The following CRK variants were observed in gnomAD, a reference collection of about 807,000 sequenced individuals.
CRK encodes CRK proto-oncogene, adaptor protein.
CRK carries 4 observed loss-of-function variants against 29.8 expected under a neutral mutation model. The observed-to-expected ratio is 0.13, with a 90% CI of 0.07 to 0.31. CRK has a LOEUF of 0.31. Ranked by LOEUF, CRK falls within the 10% of genes least tolerant of loss-of-function variation. The probability of loss-of-function intolerance (pLI) is 1.00; values close to 1 mark genes in which losing one functional copy is unlikely to be tolerated. For synonymous variants in CRK, 153 were observed against 164.9 expected (o/e 0.93, Z 0.55); for missense variants, 274 against 396.5 (o/e 0.69, Z 2.62).
At chr17:1,442,224 A>G (rs1182180326) in intron 1 of CRK, among the ~76,000 whole-genome samples, 5 of 150,176 alleles carry the variant, frequency 3.3e-5, no homozygotes, top group African/African-American at 4.9e-5. Context: ...GCATAATCTC[A>G]GCTCACTGCA....
chr17:1,453,208 T>C (rs1207703529), intron 1 of CRK, among the ~76,000 whole-genome samples: 1 of 152,214 alleles, frequency 6.6e-6, no homozygotes, highest in African/African-American at 2.4e-5. Flanking sequence ...TCCATAAACT[T>C]TGGCAATCTT....
intron 1 of CRK, among the ~76,000 whole-genome samples, chr17:1,454,660 CAT>C (rs1461704408): frequency 2.6e-5 from 4 of 152,204 alleles, no homozygotes; most frequent in East Asian, 3.8e-4. Context: ...CTTCCTGATT[CAT>C]ATGAGACTAG....
In CRK at chr17:1,421,515, C is replaced by A. The variant is rs1461591516; in HGVS notation, c.*1998G>T. The A allele has an allele frequency of 2.0e-5, 3 of 152,186 alleles. No homozygotes were observed. Among genetic ancestry groups the A allele is most frequent in the Non-Finnish European group, 1.5e-5 (1 of 68,042 alleles). The allele number at this position is 152,186 out of a possible 1,614,324, so 9.4% of individuals were successfully genotyped here. ...CCACTCTGTGCATAGCACTGGGCTA[C>A]CATTTTACAAGTTGAGTTTAACGTC... On this transcript the variant is annotated 3_prime_UTR_variant, in exon 3 of 3. Transcript: ENST00000300574.
chr17:1,450,415 G>C (rs2074008247), intron 1 of CRK, among the ~76,000 whole-genome samples: 1 of 152,066 alleles, frequency 6.6e-6, no homozygotes, highest in South Asian at 2.1e-4. Context: ...GCTGAGGGAG[G>C]AGAATGACGT....
At chr17:1,443,628 T>A (rs1288657721) in intron 1 of CRK, among the ~76,000 whole-genome samples, 1 of 151,564 alleles carries the variant, frequency 6.6e-6, no homozygotes, top group Non-Finnish European at 1.5e-5. Flanking sequence ...TTCGATCTCC[T>A]GACCTCGTGA....
At chr17:1,445,408 A>T (rs1245946529) in intron 1 of CRK, among the ~76,000 whole-genome samples, 5 of 152,180 alleles carry the variant, frequency 3.3e-5, no homozygotes, top group Non-Finnish European at 7.3e-5. Flanking sequence ...AATTTAAGAC[A>T]CTGAAAGGGG....
At chr17:1,450,434 C>G (rs979749656) in intron 1 of CRK, among the ~76,000 whole-genome samples, 19 of 151,954 alleles carry the variant, frequency 1.3e-4, no homozygotes, top group East Asian at 5.8e-4. Context: ...GTGAACCCGG[C>G]AGGCGGAGCT....
chr17:1,428,628 A>G (rs1211521589), intron 2 of CRK, among the ~76,000 whole-genome samples: 1 of 144,028 alleles, frequency 6.9e-6, no homozygotes, highest in East Asian at 2.0e-4. Context: ...GGTTCAAGTG[A>G]TTCTCCTGCC....
intron 2 of CRK, among the ~76,000 whole-genome samples, chr17:1,430,539 T>TG (rs2073832793): frequency 6.7e-6 from 1 of 148,218 alleles, no homozygotes; most frequent in Admixed American, 6.7e-5. Flanking sequence ...TGTATTTTTT[T>TG]TTTTTTTAGT....
At chr17:1,424,214 C>T (rs2073754986) in intron 2 of CRK, among the ~76,000 whole-genome samples, 1 of 152,004 alleles carries the variant, frequency 6.6e-6, no homozygotes, top group African/African-American at 2.4e-5. Flanking sequence ...CTACAGGCGC[C>T]TGCCACCGTG....
At chr17:1,447,607 C>CTTTTTT (rs34998406) in intron 1 of CRK, among the ~76,000 whole-genome samples, 1 of 117,844 alleles carries the variant, frequency 8.5e-6, no homozygotes, top group Admixed American at 9.5e-5. Flanking sequence ...TTCTCTTTTC[C>CTTTTTT]TTTTTTTTTT....
chr17:1,427,117 G>A (rs1352662933), intron 2 of CRK, among the ~76,000 whole-genome samples: 1 of 124,950 alleles, frequency 8.0e-6, no homozygotes, highest in African/African-American at 3.0e-5. Context: ...TAGCAAGACT[G>A]TGTCTCTTGA....
intron 1 of CRK, among the ~76,000 whole-genome samples, chr17:1,452,012 A>G (rs894567989): frequency 6.6e-6 from 1 of 151,992 alleles, no homozygotes; most frequent in Non-Finnish European, 1.5e-5. Flanking sequence ...AAAAAACACC[A>G]AGTCTTAGAC....
At chr17:1,432,912 T>C (rs900165667) in intron 2 of CRK, among the ~76,000 whole-genome samples, 2 of 152,184 alleles carry the variant, frequency 1.3e-5, no homozygotes, top group Admixed American at 6.6e-5. Context: ...CCTAGAAAAG[T>C]TGACTAAAAT....
chr17:1,447,703 CCTCCTGG>C (rs945113130), intron 1 of CRK, among the ~76,000 whole-genome samples: 2 of 150,628 alleles, frequency 1.3e-5, no homozygotes, highest in African/African-American at 2.4e-5. Context: ...CTGCCTCCTG[CCTCCTGG>C]GTTCAAGCAA....
chr17:1,438,283 C>A (rs893821968), intron 1 of CRK, among the ~76,000 whole-genome samples: 3 of 151,970 alleles, frequency 2.0e-5, no homozygotes, highest in South Asian at 2.1e-4. Context: ...GCACGCTCAA[C>A]CATATCTGGG....
In CRK at chr17:1,423,586, C is replaced by T. The variant is rs751763519; in HGVS notation, c.842G>A (p.Gly281Asp). ...TGTGAATGGGAAGTGACCTCGTTTG[C>T]CATTACACTCCCCTTCCCACTGACC... ...VSGQWEGECN[G>D]KRGHFPFTHV... The change falls in exon 3 of 3, where the codon GGC becomes GAC. Residue 281 changes from glycine (G) to aspartate (D), a missense_variant. Gly to Asp is a moderately conservative substitution (Grantham distance 94). This residue lies in a region of CRK where 121 missense variants were observed against 154.3 expected (regional missense o/e 0.78). Coordinates refer to ENST00000300574, the MANE Select transcript of CRK (RefSeq NM_016823.4). The T allele has an allele frequency of 4.3e-6, 7 of 1,614,034 alleles. No individual in the cohort carries two copies. Among genetic ancestry groups the T allele is most frequent in the Non-Finnish European group, 5.9e-6 (7 of 1,180,040 alleles).
intron 2 of CRK, 58 bp from the exon 3 acceptor site, chr17:1,423,708 A>C: frequency 6.3e-7 from 1 of 1,599,144 alleles, no homozygotes; most frequent in Non-Finnish European, 8.5e-7. Flanking sequence ...AAGCTGAACA[A>C]CTCCATTCTC....
chr17:1,455,986 G>A lies in CRK; in HGVS notation c.132C>T (p.Pro44=), dbSNP rs769330435. Reference sequence around the variant, plus strand: ...CTGAGACGCTGAGCACATAGTCCCCGGGGCTGGTGCTCGAGTCCCGCACCA... The same window carrying A: ...CTGAGACGCTGAGCACATAGTCCCCAGGGCTGGTGCTCGAGTCCCGCACCA... ...VFLVRDSSTS[P]GDYVLSVSEN... Residue 44 remains proline (P), a synonymous_variant, in exon 1 of 3, where the codon CCC becomes CCT. Coordinates refer to ENST00000300574, the MANE Select transcript of CRK (RefSeq NM_016823.4). 1.1e-5 allele frequency: 17 copies of A among 1,601,064 alleles called. No individual in the cohort carries two copies. The Middle Eastern group carries it at 9.9e-4, about 94-fold the overall frequency.
Sources: gnomAD v4.1 joint callset for allele counts (sites outside exome capture counted in the v4.1 genomes callset) on GRCh38, gnomAD v4.1.1 for gene constraint, gnomAD v4.1.1 regional missense constraint, MANE v1.5 for transcripts, NCBI Gene and HGNC (gene_info 2026-07-23, HGNC 2026-07-21) for gene names.